Variants in FGF13 observed in about 807,000 individuals in gnomAD.
The protein encoded by FGF13 is fibroblast growth factor 13.
FGF13 carries 2 observed loss-of-function variants against 19.5 expected under a neutral mutation model. The ratio of observed to expected loss-of-function variants is 0.10; its 90% confidence interval spans 0.04 to 0.32. The LOEUF is 0.32. Ranked by LOEUF, FGF13 falls within the 10% of genes least tolerant of loss-of-function variation. The pLI is 1.00. For synonymous variants in FGF13, 72 were observed against 76.9 expected (o/e 0.94, Z 0.33); for missense variants, 113 against 192.7 (o/e 0.59, Z 2.45).
At chrX:139,117,314 A>T (rs989844628) in intron 1 of FGF13, among the ~76,000 whole-genome samples, 1 of 111,966 alleles carries the variant, frequency 8.9e-6, no homozygotes, top group African/African-American at 3.2e-5. Flanking sequence ...CAGCAAAAAA[A>T]TTAACAAATC....
chrX:139,161,725 C>T (rs915491759), intron 1 of FGF13, among the ~76,000 whole-genome samples: 3 of 111,438 alleles, frequency 2.7e-5, no homozygotes, highest in South Asian at 3.7e-4. Flanking sequence ...AATCAATGAG[C>T]GCAAAAATCA....
intron 1 of FGF13, among the ~76,000 whole-genome samples, chrX:139,069,246 A>C: frequency 1.3e-5 from 1 of 77,164 alleles, no homozygotes; most frequent in Non-Finnish European, 2.5e-5. Context: ...GGATTAAGAA[A>C]ATGTGGCACA....
At chrX:139,063,941 T>G (rs1229875768) in intron 1 of FGF13, among the ~76,000 whole-genome samples, 1 of 111,422 alleles carries the variant, frequency 9.0e-6, no homozygotes, top group Non-Finnish European at 1.9e-5. Flanking sequence ...GTACAGTATG[T>G]TAAAATTCCC....
intron 1 of FGF13, among the ~76,000 whole-genome samples, chrX:139,164,093 C>CTTTTTTTTTTTTTTTTTTT (rs56733431): frequency 1.1e-5 from 1 of 93,852 alleles, no homozygotes; most frequent in Non-Finnish European, 2.1e-5. Flanking sequence ...GCTGAGTTTT[C>CTTTTTTTTTTTTTTTTTTT]TTTTTTTTTT....
intron 3 of FGF13, among the ~76,000 whole-genome samples, chrX:138,776,173 C>T (rs1014966922): frequency 1.1e-4 from 12 of 111,842 alleles, no homozygotes; most frequent in Admixed American, 7.6e-4. Context: ...GTATTTGTGC[C>T]CACTGTCACC....
chrX:139,122,093 GT>G (rs1488496964), intron 1 of FGF13, among the ~76,000 whole-genome samples: 1 of 111,137 alleles, frequency 9.0e-6, no homozygotes, highest in Non-Finnish European at 1.9e-5. Context: ...GTATTGCTTG[GT>G]TTGCATAAGA....
chrX:138,947,803 T>G (rs755578151), intron 1 of FGF13, among the ~76,000 whole-genome samples: 5 of 111,745 alleles, frequency 4.5e-5, no homozygotes, highest in Non-Finnish European at 9.4e-5. Flanking sequence ...GGTGACTGTA[T>G]TTGGAGATAG....
At chrX:138,881,050 T>C (rs2091421085) in intron 1 of FGF13, among the ~76,000 whole-genome samples, 1 of 112,033 alleles carries the variant, frequency 8.9e-6, no homozygotes, top group Admixed American at 9.5e-5. Flanking sequence ...AGTCTTTCTA[T>C]TCATGAACAC....
chrX:138,974,928 A>T (rs1272530266), intron 1 of FGF13, among the ~76,000 whole-genome samples: 1 of 112,204 alleles, frequency 8.9e-6, no homozygotes, highest in East Asian at 2.8e-4. Flanking sequence ...TAATTTTTAA[A>T]CCCTAAATCA....
chrX:139,068,267 C>G (rs1373643588), intron 1 of FGF13, among the ~76,000 whole-genome samples: 1 of 99,491 alleles, frequency 1.0e-5, no homozygotes, highest in African/African-American at 4.2e-5. Flanking sequence ...GCTTGTTTTT[C>G]TCAGGTTTGT....
At chrX:138,718,112 C>T (rs918536490) in intron 1 of FGF13, among the ~76,000 whole-genome samples, 11 of 112,388 alleles carry the variant, frequency 9.8e-5, no homozygotes, top group South Asian at 3.7e-4. Flanking sequence ...GCATCAGGTT[C>T]TCTAAGTGAA....
intron 1 of FGF13, among the ~76,000 whole-genome samples, chrX:139,146,319 A>C: frequency 8.9e-6 from 1 of 112,560 alleles, no homozygotes; most frequent in Middle Eastern, 4.6e-3. Flanking sequence ...GGATATGAAC[A>C]GACACTTCTC....
chrX:139,095,855 G>A (rs762385022), intron 1 of FGF13, among the ~76,000 whole-genome samples: 1 of 112,106 alleles, frequency 8.9e-6, no homozygotes, highest in East Asian at 2.8e-4. Flanking sequence ...AGGTAACAGG[G>A]AAAACTGTGA....
At chrX:138,950,339 T>C (rs755522902) in intron 1 of FGF13, among the ~76,000 whole-genome samples, 1 of 112,389 alleles carries the variant, frequency 8.9e-6, no homozygotes, top group South Asian at 3.7e-4. Flanking sequence ...TAGTTTACTA[T>C]TACATATATG....
At chrX:139,077,516 T>G (rs1282239079) in intron 1 of FGF13, among the ~76,000 whole-genome samples, 1 of 111,605 alleles carries the variant, frequency 9.0e-6, no homozygotes, top group East Asian at 2.8e-4. Context: ...CCTCAGCACC[T>G]AGCACGGTGC....
intron 3 of FGF13, chrX:138,806,386 A>C (rs1602885033): frequency 9.0e-6 from 1 of 111,447 alleles, no homozygotes; most frequent in East Asian, 2.8e-4. Flanking sequence ...GGACACTATC[A>C]ATAAGAAAAT....
chrX:139,143,316 T>C (rs1446254565), intron 1 of FGF13, among the ~76,000 whole-genome samples: 1 of 112,167 alleles, frequency 8.9e-6, no homozygotes, highest in East Asian at 2.8e-4. Flanking sequence ...AGAGCCCCAG[T>C]GCTTCACAGT....
intron 1 of FGF13, among the ~76,000 whole-genome samples, chrX:138,878,051 C>A (rs1360662213): frequency 9.0e-6 from 1 of 111,666 alleles, no homozygotes; most frequent in Non-Finnish European, 1.9e-5. Context: ...CCACCAACAC[C>A]ACATAAGGGT....
Position 139,080,058 on chromosome X carries a change from C to CCA in FGF13, c.-113+123356_-113+123357dup, listed in dbSNP as rs61341655. ...ATTGACCAAAATAGAGAAAATATTA[C>CCA]CACACACACACACACACACGCACAC... On this transcript the variant is annotated intron_variant, in intron 1 of 2. Coordinates refer to the FGF13 transcript ENST00000421460. Among the ~76,000 whole-genome samples the CCA allele has an allele frequency of 7.1e-3, 750 of 105,268 alleles. 5 individuals carry two copies. Among genetic ancestry groups the CCA allele is most frequent in the African/African-American group, 0.017 (496 of 28,549 alleles). The allele number at this position is 105,268 out of a possible 115,157, so 91.4% of individuals were successfully genotyped here.
Sources: gnomAD v4.1 joint callset for allele counts (sites outside exome capture counted in the v4.1 genomes callset) on GRCh38, gnomAD v4.1.1 for gene constraint, MANE v1.5 for transcripts, NCBI Gene and HGNC (gene_info 2026-07-23, HGNC 2026-07-21) for gene names.